The following CNOT4 variants were observed in gnomAD, a reference collection of about 807,000 sequenced individuals.
CNOT4 encodes the protein CCR4-associated factor 4.
A neutral mutation model predicts 73.8 loss-of-function variants in CNOT4; 8 were observed. The observed-to-expected ratio is 0.11, with a 90% CI of 0.06 to 0.20. The LOEUF is 0.20. CNOT4 is among the 10% of genes least tolerant of loss of function. CNOT4 has a pLI of 1.00. For synonymous variants in CNOT4, 293 were observed against 321.1 expected (o/e 0.91, Z 0.94); for missense variants, 564 against 883.4 (o/e 0.64, Z 4.58).
intron 2 of CNOT4, among the ~76,000 whole-genome samples, chr7:135,430,496 T>C (rs1289334822): frequency 6.6e-6 from 1 of 151,896 alleles, no homozygotes; most frequent in East Asian, 1.9e-4. Flanking sequence ...TTTTTTTTAA[T>C]TATTCAGGTG....
intron 1 of CNOT4, among the ~76,000 whole-genome samples, chr7:135,457,003 C>T (rs7790765): frequency 0.022 from 3,403 of 152,130 alleles, 127 homozygotes; most frequent in African/African-American, 0.07. Context: ...ACTACTAATT[C>T]AGCAAGATCA....
Position 135,506,845 on chromosome 7 carries a change from C to CA in CNOT4, c.-93+3043dup, listed in dbSNP as rs35388349. Among the ~76,000 whole-genome samples, 696 of 114,454 alleles carry CA rather than the reference C, an allele frequency of 6.1e-3. 3 individuals carry two copies. Among genetic ancestry groups the CA allele is most frequent in the Non-Finnish European group, 9.4e-3 (507 of 54,066 alleles). The allele number at this position is 114,454 out of a possible 152,430, so 75.1% of individuals were successfully genotyped here. The stretch of plus-strand genomic sequence containing the variant: ...CCTGAGTGACAGAGCGAGACTGTCT[C>CA]AAAAAAAAAAAGAAAAGAAAAGAAA... On this transcript the variant is annotated intron_variant, in intron 1 of 11. Transcript: ENST00000541284.
intron 3 of CNOT4, among the ~76,000 whole-genome samples, chr7:135,417,796 A>C (rs1442694031): frequency 6.6e-6 from 1 of 152,120 alleles, no homozygotes; most frequent in Admixed American, 6.6e-5. Flanking sequence ...CTGCAATCTA[A>C]TCTTCCAGCC....
At chr7:135,444,988 C>T (rs1373055543) in intron 1 of CNOT4, 3 of 826,442 alleles carry the variant, frequency 3.6e-6, no homozygotes, top group Non-Finnish European at 6.1e-6. Flanking sequence ...CTCTGCTTGT[C>T]ATGCCATTAA....
chr7:135,486,887 C>T (rs552032016), intron 1 of CNOT4, among the ~76,000 whole-genome samples: 1 of 152,078 alleles, frequency 6.6e-6, no homozygotes, highest in East Asian at 1.9e-4. Flanking sequence ...AGAGAGCCAA[C>T]AGAAATCAGT....
chr7:135,376,360 T>TA (rs1041721780), intron 10 of CNOT4, among the ~76,000 whole-genome samples: 32 of 152,318 alleles, frequency 2.1e-4, no homozygotes, highest in African/African-American at 7.5e-4. Context: ...TGCTTTTTTT[T>TA]AATTTTAATT....
intron 7 of CNOT4, among the ~76,000 whole-genome samples, chr7:135,405,555 ACT>A (rs1219156958): frequency 6.6e-6 from 1 of 151,978 alleles, no homozygotes; most frequent in African/African-American, 2.4e-5. Flanking sequence ...ATCACTTCCC[ACT>A]CTCATTACTT....
At chr7:135,473,517 CA>C (rs1186662144) in intron 1 of CNOT4, among the ~76,000 whole-genome samples, 1 of 152,140 alleles carries the variant, frequency 6.6e-6, no homozygotes, top group African/African-American at 2.4e-5. Context: ...GAAGGCGAGG[CA>C]GGTGGATCCC....
At chr7:135,405,593 T>C (rs1018532197) in intron 7 of CNOT4, among the ~76,000 whole-genome samples, 1 of 152,230 alleles carries the variant, frequency 6.6e-6, no homozygotes, top group Non-Finnish European at 1.5e-5. Context: ...AAGCAACTTA[T>C]TCATAGCACA....
At chr7:135,411,953 C>A (rs1797610086) in intron 6 of CNOT4, among the ~76,000 whole-genome samples, 1 of 151,908 alleles carries the variant, frequency 6.6e-6, no homozygotes, top group African/African-American at 2.4e-5. Context: ...ATTCAAATTT[C>A]TTTCCTACAT....
intron 1 of CNOT4, among the ~76,000 whole-genome samples, chr7:135,456,841 G>T (rs1421498574): frequency 6.6e-6 from 1 of 151,968 alleles, no homozygotes; most frequent in African/African-American, 2.4e-5. Flanking sequence ...TACTATCTGC[G>T]GTTTCAGGCA....
Position 135,363,816 on chromosome 7 carries a change from T to C in CNOT4, c.1840+38A>G, listed in dbSNP as rs765806107. 1.9e-5 allele frequency: 29 copies of C among 1,505,176 alleles called. No individual in the cohort carries two copies. The South Asian group carries it at 2.0e-4, about 10-fold the overall frequency. 93.2% of individuals were successfully genotyped at this position (1,505,176 alleles called of 1,614,324 possible). A position where few individuals can be genotyped will look rare whatever the true frequency, so the allele number is the denominator to read the frequency against. On this transcript the variant is annotated intron_variant, in intron 11 of 11. Coordinates refer to ENST00000541284, the MANE Select transcript of CNOT4 (RefSeq NM_001190850.2). The surrounding 1 kb of genome is among the most constrained non-coding windows in gnomAD (Gnocchi z 4.3). Reference sequence around the variant, plus strand: ...TTAATCTGTGCTAAAAACCAAACTGTTGGCAGTCAGTGTAGCTGAAGGGAG... The same window carrying C: ...TTAATCTGTGCTAAAAACCAAACTGCTGGCAGTCAGTGTAGCTGAAGGGAG...
Position 135,410,430 on chromosome 7 carries a change from A to C in CNOT4, c.821+85T>G, listed in dbSNP as rs77898920. ...TAAATGACAGACCTTGTCAACAAGG[A>C]TTTTGCCTGAAAAAGATCTAAAATG... On this transcript the variant is annotated intron_variant, in intron 7 of 11. Transcript: ENST00000541284. 0.012 allele frequency: 10,583 copies of C among 903,152 alleles called. 576 individuals are homozygous for C. In the African/African-American group the frequency reaches 0.12, roughly 11 times the overall value. The allele number at this position is 903,152 out of a possible 1,614,324, so 55.9% of individuals were successfully genotyped here.
intron 1 of CNOT4, among the ~76,000 whole-genome samples, chr7:135,490,498 T>C (rs1469476408): frequency 6.6e-6 from 1 of 152,120 alleles, no homozygotes; most frequent in Non-Finnish European, 1.5e-5. Context: ...TCAAAGAAAC[T>C]TTCAGGAATA....
At chr7:135,506,944 T>C (rs770050671) in intron 1 of CNOT4, among the ~76,000 whole-genome samples, 33 of 152,222 alleles carry the variant, frequency 2.2e-4, no homozygotes, top group Non-Finnish European at 3.8e-4. Context: ...CTGAAGAATA[T>C]GGATTCCTTT....
At position 135,394,206 on chromosome 7, in the gene CNOT4, T is replaced by G. The variant is rs1796556040; in HGVS notation, c.1339A>C (p.Lys447Gln). The G allele has an allele frequency of 7.4e-6, 12 of 1,614,172 alleles. No homozygotes were observed. The highest frequency in any genetic ancestry group is 1.1e-5 in the South Asian group (1 of 91,084). ...TGCAGGAATCCAGAGCCTGGACCTTTGGCGGTTGTAGTGTGTGAAGAGGAG... is the reference window on the plus strand; with the variant it reads ...TGCAGGAATCCAGAGCCTGGACCTTGGGCGGTTGTAGTGTGTGAAGAGGAG... The part of the protein sequence containing the change: ...QNSSSHTTTA[K>Q]GPGSGFLHPA... The change falls in exon 10 of 12, where the codon AAA (lysine) becomes CAA (glutamine). Residue 447 changes from lysine to glutamine, a missense_variant. Physicochemically the swap from Lys to Gln is moderately conservative, Grantham distance 53 (BLOSUM62 1). Coordinates refer to ENST00000541284, the MANE Select transcript of CNOT4 (RefSeq NM_001190850.2).
chr7:135,480,404 T>C (rs1224178164), intron 1 of CNOT4, among the ~76,000 whole-genome samples: 3 of 152,232 alleles, frequency 2.0e-5, no homozygotes, highest in Non-Finnish European at 2.9e-5. Context: ...ATTACTAATA[T>C]AGGAAATAAA....
rs754831081 is a variant in CNOT4, at chr7:135,364,583, T to C, written c.1628-517A>G. Among the ~76,000 whole-genome samples the C allele has an allele frequency of 6.6e-6, 1 of 152,226 alleles. No individual in the cohort carries two copies. The highest frequency in any genetic ancestry group is 1.5e-5 in the Non-Finnish European group (1 of 68,028). ...CTTCTTCATTATAAAACTGGCAATG[T>C]GCTTCAGAAGAGAAAAGCAGTAATG... On this transcript the variant is annotated intron_variant, in intron 10 of 11. Coordinates refer to ENST00000541284, the MANE Select transcript of CNOT4 (RefSeq NM_001190850.2). This position sits in a 1 kb window ranked among gnomAD's most constrained non-coding sequence, Gnocchi z 4.3.
intron 1 of CNOT4, among the ~76,000 whole-genome samples, chr7:135,447,055 T>C (rs188040976): frequency 6.9e-6 from 1 of 144,072 alleles, no homozygotes; most frequent in East Asian, 2.1e-4. Context: ...AGCTACAACA[T>C]GGCTTCCAGT....
Sources: gnomAD v4.1 joint callset for allele counts (sites outside exome capture counted in the v4.1 genomes callset) on GRCh38, gnomAD v4.1.1 for gene constraint, Gnocchi (gnomAD v3.1) non-coding constraint, MANE v1.5 for transcripts, NCBI Gene and HGNC (gene_info 2026-07-23, HGNC 2026-07-21) for gene names.